The following GALNT14 variants were observed in gnomAD, a reference collection of about 807,000 sequenced individuals.
The protein encoded by GALNT14 is polypeptide N-acetylgalactosaminyltransferase 14, also known as UDP-GalNAc:polypeptide N-acetylgalactosaminyltransferase 14.
Under a neutral mutation model 77.5 loss-of-function variants are expected in GALNT14, and 60 were observed. That is an observed-to-expected ratio of 0.77 (90% CI 0.63 to 0.96). GALNT14 has a LOEUF of 0.96. GALNT14 is among the 40% of genes least tolerant of loss of function. The pLI, the probability that GALNT14 is intolerant of heterozygous loss-of-function variation, is 0.00. For synonymous variants in GALNT14, 280 were observed against 281.7 expected (o/e 0.99, Z 0.06); for missense variants, 710 against 731.0 (o/e 0.97, Z 0.33).
chr2:31,057,289 G>A (rs1573261293), intron 1 of GALNT14, among the ~76,000 whole-genome samples: 1 of 101,356 alleles, frequency 9.9e-6, no homozygotes, highest in African/African-American at 3.9e-5. Flanking sequence ...CTAAAAAGTT[G>A]AAATTATATA....
At chr2:31,094,177 CA>C (rs1676891400) in intron 1 of GALNT14, among the ~76,000 whole-genome samples, 1 of 152,232 alleles carries the variant, frequency 6.6e-6, no homozygotes, top group Admixed American at 6.5e-5. Context: ...GTAATCTCCC[CA>C]ACCCTTAAGA....
chr2:30,971,719 C>G (rs899826519), intron 2 of GALNT14, among the ~76,000 whole-genome samples: 1 of 152,132 alleles, frequency 6.6e-6, no homozygotes, highest in Non-Finnish European at 1.5e-5. Flanking sequence ...CCTCTTTCCT[C>G]TGCACAGTCA....
chr2:31,085,870 G>A (rs1407027625), intron 1 of GALNT14, among the ~76,000 whole-genome samples: 1 of 152,166 alleles, frequency 6.6e-6, no homozygotes, highest in African/African-American at 2.4e-5. Context: ...CACATGGCTG[G>A]GGAGGCCTCA....
intron 1 of GALNT14, among the ~76,000 whole-genome samples, chr2:31,115,463 G>A (rs751890715): frequency 1.4e-4 from 21 of 152,166 alleles, no homozygotes; most frequent in Non-Finnish European, 1.6e-4. Flanking sequence ...AGATGGGTGA[G>A]ATGAAAAGAA....
chr2:31,015,758 C>A (rs1012448438), intron 1 of GALNT14, among the ~76,000 whole-genome samples: 5 of 152,096 alleles, frequency 3.3e-5, no homozygotes, highest in African/African-American at 7.2e-5. Flanking sequence ...TCAGACAAAC[C>A]CAATGGAGAG....
At position 31,100,897 on chromosome 2, in the gene GALNT14, T is replaced by C. The variant is rs139950818; in HGVS notation, c.129+37061A>G. On this transcript the variant is annotated intron_variant, in intron 1 of 14. Coordinates refer to ENST00000349752, the MANE Select transcript of GALNT14 (RefSeq NM_024572.4). Reference sequence around the variant, plus strand: ...TACATTAGCGTATGATTAGGCAAAATCATCTAACACAAACCCTATTTTATA... The same window carrying C: ...TACATTAGCGTATGATTAGGCAAAACCATCTAACACAAACCCTATTTTATA... Among the ~76,000 whole-genome samples, 11 of 152,142 alleles carry C rather than the reference T, an allele frequency of 7.2e-5. No homozygotes were observed. The East Asian group carries it at 2.1e-3, about 29-fold the overall frequency.
intron 11 of GALNT14, among the ~76,000 whole-genome samples, chr2:30,927,573 C>T (rs901490094): frequency 2.0e-5 from 3 of 152,158 alleles, no homozygotes; most frequent in African/African-American, 7.2e-5. Flanking sequence ...GGGATGGAGA[C>T]CACAGCAGGA....
chr2:31,099,136 T>G (rs1282246088), intron 1 of GALNT14, among the ~76,000 whole-genome samples: 1 of 152,146 alleles, frequency 6.6e-6, no homozygotes, highest in Non-Finnish European at 1.5e-5. Flanking sequence ...GCTTGCCCTT[T>G]TTTCTTCATT....
intron 1 of GALNT14, among the ~76,000 whole-genome samples, chr2:31,080,654 T>C (rs945976384): frequency 6.6e-6 from 1 of 152,240 alleles, no homozygotes; most frequent in Admixed American, 6.5e-5. Flanking sequence ...GAGTCTCAGA[T>C]GACGTGGTTT....
rs987314407 is a variant in GALNT14, at chr2:31,024,360, C to T, written c.130-31353G>A. Among the ~76,000 whole-genome samples the T allele has an allele frequency of 4.6e-5, 7 of 152,130 alleles. No individual in the cohort carries two copies. The East Asian group carries it at 1.4e-3, about 29-fold the overall frequency. Reference sequence around the variant, plus strand: ...CCTGGCTGCACAACTCACTCACGGACAAGTCTTCACGGTGGCACAAAGGCC... The same window carrying T: ...CCTGGCTGCACAACTCACTCACGGATAAGTCTTCACGGTGGCACAAAGGCC... On this transcript the variant is annotated intron_variant, in intron 1 of 14. Coordinates refer to ENST00000349752, the MANE Select transcript of GALNT14 (RefSeq NM_024572.4).
chr2:31,107,475 T>G (rs761850660), intron 1 of GALNT14, among the ~76,000 whole-genome samples: 16 of 152,150 alleles, frequency 1.1e-4, no homozygotes, highest in Non-Finnish European at 1.8e-4. Flanking sequence ...ATCCTCTAAT[T>G]CCACTGAAAA....
At chr2:30,936,563 C>G (rs1372834405) in intron 9 of GALNT14, among the ~76,000 whole-genome samples, 2 of 152,196 alleles carry the variant, frequency 1.3e-5, no homozygotes, top group East Asian at 1.9e-4. Flanking sequence ...AGACACTCAC[C>G]TGGCTACTGT....
At chr2:30,933,590 T>A (rs138944253) in intron 9 of GALNT14, among the ~76,000 whole-genome samples, 308 of 152,308 alleles carry the variant, frequency 2.0e-3, no homozygotes, top group Non-Finnish European at 3.4e-3. Context: ...CACCTGCCCC[T>A]CTGCCTACTG....
chr2:31,043,489 C>A (rs74564993), intron 1 of GALNT14, among the ~76,000 whole-genome samples: 319 of 152,168 alleles, frequency 2.1e-3, no homozygotes, highest in African/African-American at 7.2e-3. Flanking sequence ...TGTAGACAAA[C>A]AAGAGGGGAA....
intron 1 of GALNT14, among the ~76,000 whole-genome samples, chr2:31,016,539 C>T (rs1226180120): frequency 4.6e-5 from 7 of 152,094 alleles, no homozygotes; most frequent in African/African-American, 1.7e-4. Flanking sequence ...CTGTGCCCCA[C>T]ACGAACTCCT....
rs934482147 is a variant in GALNT14 at position 31,099,495 on chromosome 2, C to T, written c.129+38463G>A. Among the ~76,000 whole-genome samples the T allele has an allele frequency of 4.6e-5, 7 of 152,074 alleles. No individual in the cohort carries two copies. The East Asian group carries it at 1.4e-3, about 29-fold the overall frequency. On this transcript the variant is annotated intron_variant, in intron 1 of 14. Transcript: ENST00000349752. ...TTTAAGTCTTGGTTAGAAAGGCACC[C>T]TGTGTGTTTCCTTCTGGTACTTTCA...
chr2:30,989,497 T>C (rs1669521842), intron 2 of GALNT14, among the ~76,000 whole-genome samples: 2 of 146,184 alleles, frequency 1.4e-5, no homozygotes, highest in Non-Finnish European at 3.0e-5. Flanking sequence ...CCTACCCACA[T>C]ACCCTGTAAT....
intron 1 of GALNT14, among the ~76,000 whole-genome samples, chr2:31,077,745 C>T (rs1397124624): frequency 6.6e-6 from 1 of 152,200 alleles, no homozygotes; most frequent in Non-Finnish European, 1.5e-5. Context: ...CAGGAAAATA[C>T]ACATATTTCT....
chr2:31,125,048 T>G, intron 1 of GALNT14: 1 of 745,340 alleles, frequency 1.3e-6, no homozygotes, highest in Non-Finnish European at 2.3e-6. Context: ...CATCCTGGGG[T>G]GCGCCCAGGA....
Sources: gnomAD v4.1 joint callset for allele counts (sites outside exome capture counted in the v4.1 genomes callset) on GRCh38, gnomAD v4.1.1 for gene constraint, MANE v1.5 for transcripts, NCBI Gene and HGNC (gene_info 2026-07-23, HGNC 2026-07-21) for gene names.